NPAS3: variants seen among roughly 807,000 people sequenced by gnomAD.
NPAS3 encodes the protein neuronal PAS domain protein 3.
Under a neutral mutation model 73.1 loss-of-function variants are expected in NPAS3, and 14 were observed. That is an observed-to-expected ratio of 0.19 (90% confidence interval 0.13 to 0.30). The LOEUF (loss-of-function observed/expected upper bound fraction) is 0.30, where lower values mean the gene tolerates loss of function less well. Among genes scored for constraint, NPAS3 ranks in the 10% least tolerant of loss-of-function variants. NPAS3 has a pLI of 1.00. For missense variants in NPAS3, 1,096 were observed against 1,250.0 expected, an observed-to-expected ratio of 0.88 and a Z score of 1.86; for synonymous variants, 620 against 541.5, an observed-to-expected ratio of 1.14 and a Z score of -2.01.
downstream of NPAS3, chr14:33,801,171 T>C: frequency 6.5e-7 from 1 of 1,527,934 alleles, no homozygotes; most frequent in Non-Finnish European, 8.7e-7. Flanking sequence ...GGCATTTTCG[T>C]TTAGACCTTT....
At chr14:32,985,922 G>A (rs923920066) in intron 1 of NPAS3, among the ~76,000 whole-genome samples, 1 of 152,182 alleles carries the variant, frequency 6.6e-6, no homozygotes, top group Non-Finnish European at 1.5e-5. Context: ...TTAGTCATAA[G>A]GTCCACGATT....
intron 2 of NPAS3, among the ~76,000 whole-genome samples, chr14:33,119,146 T>C (rs536799942): frequency 2.8e-4 from 42 of 152,228 alleles, no homozygotes; most frequent in Non-Finnish European, 4.9e-4. Context: ...GTTGGTATCA[T>C]GTAATGTTAC....
At chr14:33,193,879 A>G (rs2046255522) in intron 2 of NPAS3, among the ~76,000 whole-genome samples, 1 of 152,096 alleles carries the variant, frequency 6.6e-6, no homozygotes, top group African/African-American at 2.4e-5. Context: ...ATTTCTTTTG[A>G]TATCACTTCT....
Position 33,308,510 on chromosome 14 carries a change from T to TTTTATATATATATATATATA in NPAS3, c.386-58675_386-58674insTTATATATATATATATATAT, listed in dbSNP as rs374327824. Among the ~76,000 whole-genome samples the TTTTATATATATATATATATA allele has an allele frequency of 1.6e-4, 13 of 83,500 alleles. 2 individuals carry two copies. The highest frequency in any genetic ancestry group is 6.9e-4 in the East Asian group (2 of 2,898). 54.8% of individuals were successfully genotyped at this position (83,500 alleles called of 152,430 possible). A position where few individuals can be genotyped will look rare whatever the true frequency, so the allele number is the denominator to read the frequency against. On this transcript the variant is annotated intron_variant, in intron 3 of 11. Coordinates refer to ENST00000356141, the Ensembl canonical transcript of NPAS3. ...TTTTCTAAAGGGACTATTGCATAGT[T>TTTTATATATATATATATATA]TATATATATATATATATACATACAC...
chr14:33,166,965 G>A (rs1037942079), intron 2 of NPAS3, among the ~76,000 whole-genome samples: 2 of 151,930 alleles, frequency 1.3e-5, no homozygotes, highest in Admixed American at 1.3e-4. Flanking sequence ...TATTGCTCCT[G>A]GATTTCCTTT....
chr14:33,648,525 C>A (rs1392688680), intron 5 of NPAS3, among the ~76,000 whole-genome samples: 3 of 152,182 alleles, frequency 2.0e-5, no homozygotes, highest in Admixed American at 6.5e-5. Context: ...TAAAAATAAT[C>A]TTTGAAGGCC....
chr14:33,801,287 ATGTT>A (rs1402672283), downstream of NPAS3: 6 of 1,336,248 alleles, frequency 4.5e-6, no homozygotes, highest in Non-Finnish European at 4.0e-6. Context: ...GTGTAAAGAT[ATGTT>A]TATTTTTTGC....
chr14:33,450,518 G>A (rs1237725997), intron 4 of NPAS3, among the ~76,000 whole-genome samples: 1 of 152,048 alleles, frequency 6.6e-6, no homozygotes. Flanking sequence ...AAAAACATCT[G>A]AGTCTAGATG....
At chr14:33,348,087 C>A (rs112368434) in intron 3 of NPAS3, among the ~76,000 whole-genome samples, 26 of 152,260 alleles carry the variant, frequency 1.7e-4, no homozygotes, top group African/African-American at 5.5e-4. Context: ...AGTATGCTCA[C>A]ATGTGGTATC....
At chr14:33,725,777 T>C (rs2061248361) in intron 6 of NPAS3, among the ~76,000 whole-genome samples, 1 of 152,140 alleles carries the variant, frequency 6.6e-6, no homozygotes. Context: ...TACTAAATAA[T>C]CTTAGTGCTT....
At chr14:33,605,589 G>A (rs1423527561) in intron 5 of NPAS3, among the ~76,000 whole-genome samples, 1 of 152,016 alleles carries the variant, frequency 6.6e-6, no homozygotes, top group East Asian at 1.9e-4. Flanking sequence ...TACATATGTA[G>A]CAATCACAAG....
intron 10 of NPAS3, among the ~76,000 whole-genome samples, chr14:33,797,058 T>C (rs1256363161): frequency 2.0e-5 from 3 of 152,178 alleles, no homozygotes; most frequent in Non-Finnish European, 4.4e-5. Flanking sequence ...ACAAAGGTAC[T>C]GAGGCCATGG....
intron 1 of NPAS3, among the ~76,000 whole-genome samples, chr14:33,040,903 C>A (rs2040328548): frequency 6.6e-6 from 1 of 152,200 alleles, no homozygotes; most frequent in Non-Finnish European, 1.5e-5. Context: ...AGCACCCGAA[C>A]TTCTCAATGA....
intron 7 of NPAS3, among the ~76,000 whole-genome samples, chr14:33,742,399 C>A (rs1364962598): frequency 6.6e-6 from 1 of 152,206 alleles, no homozygotes; most frequent in East Asian, 1.9e-4. Context: ...AAATGAGTCA[C>A]ATGAATTTTT....
chr14:32,935,003 G>A (rs2035652293), upstream of NPAS3: 3 of 1,321,002 alleles, frequency 2.3e-6, no homozygotes, highest in Admixed American at 5.6e-5. Context: ...TACCAGCAGC[G>A]GTGAGTAGTC....
intron 6 of NPAS3, among the ~76,000 whole-genome samples, chr14:33,714,841 A>G (rs1817208076): frequency 6.6e-6 from 1 of 152,196 alleles, no homozygotes; most frequent in Non-Finnish European, 1.5e-5. Flanking sequence ...GCATTCTTAA[A>G]ATGGATGGGG....
At chr14:33,613,916 C>T (rs2057833381) in intron 5 of NPAS3, among the ~76,000 whole-genome samples, 1 of 152,132 alleles carries the variant, frequency 6.6e-6, no homozygotes, top group Non-Finnish European at 1.5e-5. Context: ...TACCTGTGTG[C>T]TTCTCTTACT....
At chr14:33,456,193 CCTGTGCATAATGTTCCATGGAAAGG>C (rs542188558) in intron 4 of NPAS3, among the ~76,000 whole-genome samples, 94 of 152,268 alleles carry the variant, frequency 6.2e-4, no homozygotes, top group African/African-American at 2.0e-3. Context: ...AGTCAGAGTG[CCTGTGCATAATGTTCCATGGAAAGG>C]GGGCCCTGCA....
At chr14:33,512,436 C>T (rs531785889) in intron 4 of NPAS3, among the ~76,000 whole-genome samples, 4 of 152,008 alleles carry the variant, frequency 2.6e-5, no homozygotes, top group Non-Finnish European at 4.4e-5. Context: ...TGACATTAGT[C>T]ACGTATTTTA....
Sources: gnomAD v4.1 joint callset for allele counts (sites outside exome capture counted in the v4.1 genomes callset) on GRCh38, gnomAD v4.1.1 for gene constraint, MANE v1.5 for transcripts, NCBI Gene and HGNC (gene_info 2026-07-23, HGNC 2026-07-21) for gene names.